The following HTR1F variants were observed in gnomAD, a reference collection of about 807,000 sequenced individuals.
The protein encoded by HTR1F is 5-hydroxytryptamine (serotonin) receptor 1F, G protein-coupled.
In HTR1F, 17 loss-of-function variants were observed where a neutral mutation model predicts 24.0. That is an observed-to-expected ratio of 0.71 (90% CI 0.48 to 1.06). The LOEUF is 1.06. Ranked by LOEUF, HTR1F falls within the 50% of genes least tolerant of loss-of-function variation. The pLI, the probability that HTR1F is intolerant of heterozygous loss-of-function variation, is 0.00. For synonymous variants in HTR1F, 186 were observed against 156.8 expected (o/e 1.19, Z -1.39); for missense variants, 391 against 427.8 (o/e 0.91, Z 0.76).
At chr3:87,927,733 C>G (rs181503410) in intron 2 of HTR1F, among the ~76,000 whole-genome samples, 112 of 152,166 alleles carry the variant, frequency 7.4e-4, no homozygotes, top group African/African-American at 2.3e-3. Flanking sequence ...TTTATTTATG[C>G]AACACATACT....
rs113032682 is a variant in HTR1F, at chr3:87,869,614, T to G, written c.-43+47490T>G. On this transcript the variant is annotated intron_variant, in intron 2 of 2. Transcript: ENST00000319595. ...TACTTCCAGTTCAGGTTCAAAGGCC[T>G]AAGAAACAGCAGAGTTCTGCTTCAA... Among the ~76,000 whole-genome samples the G allele has an allele frequency of 1.8e-3, 276 of 152,170 alleles. 1 individual carries two copies. The highest frequency in any genetic ancestry group is 6.3e-3 in the African/African-American group (260 of 41,538).
chr3:87,979,030 G>A (rs1576115174), intron 2 of HTR1F, among the ~76,000 whole-genome samples: 1 of 3,488 alleles, frequency 2.9e-4, no homozygotes, highest in South Asian at 0.019. Context: ...GAGGGAGGGA[G>A]GGAGGGAGGG....
At chr3:87,987,712 ATATG>A (rs1408900607) in intron 2 of HTR1F, among the ~76,000 whole-genome samples, 1 of 113,144 alleles carries the variant, frequency 8.8e-6, no homozygotes, top group African/African-American at 3.5e-5. Flanking sequence ...TGTATTATAT[ATATG>A]TATTTTATAT....
intron 2 of HTR1F, among the ~76,000 whole-genome samples, chr3:87,947,198 T>C (rs1255964259): frequency 6.6e-6 from 1 of 152,250 alleles, no homozygotes; most frequent in Non-Finnish European, 1.5e-5. Context: ...TAATATTTTC[T>C]TCTCATCATT....
At chr3:87,969,629 G>C (rs1705244401) in intron 2 of HTR1F, among the ~76,000 whole-genome samples, 1 of 152,166 alleles carries the variant, frequency 6.6e-6, no homozygotes, top group African/African-American at 2.4e-5. Context: ...CAGGCGGAAG[G>C]GACTTGCCTT....
At chr3:87,964,057 T>C (rs1447487346) in intron 2 of HTR1F, among the ~76,000 whole-genome samples, 2 of 152,094 alleles carry the variant, frequency 1.3e-5, no homozygotes, top group African/African-American at 4.8e-5. Context: ...CCCAAACTAG[T>C]GTCTTTTTCC....
At chr3:87,796,861 C>T (rs1169423335) in intron 1 of HTR1F, among the ~76,000 whole-genome samples, 1 of 152,192 alleles carries the variant, frequency 6.6e-6, no homozygotes, top group Non-Finnish European at 1.5e-5. Flanking sequence ...TATAGATATG[C>T]TTGCACTTAA....
chr3:87,902,314 G>A (rs1706342145), intron 2 of HTR1F, among the ~76,000 whole-genome samples: 2 of 152,018 alleles, frequency 1.3e-5, no homozygotes, highest in South Asian at 2.1e-4. Flanking sequence ...TATGCAAAGG[G>A]GGAAGTTATT....
rs767724180 is a variant in HTR1F at position 87,991,614 on chromosome 3, C to G, written c.865C>G (p.Arg289Gly). Residue 289 changes from arginine (R) to glycine (G), a missense_variant, in exon 3 of 3, where the codon CGG becomes GGG. Transcript: ENST00000319595. The stretch of plus-strand genomic sequence containing the variant: ...GCAAAAGATCTCAGGTACAAGAGAA[C>G]GGAAAGCAGCCACTACCCTGGGATT... ...RRQKISGTRE[R>G]KAATTLGLIL... 1 of 1,613,776 alleles carries G rather than the reference C, an allele frequency of 6.2e-7. No individual in the cohort carries two copies. The highest frequency in any genetic ancestry group is 8.5e-7 in the Non-Finnish European group (1 of 1,179,928).
chr3:87,939,881 T>G (rs1287175990), intron 2 of HTR1F, among the ~76,000 whole-genome samples: 2 of 152,226 alleles, frequency 1.3e-5, no homozygotes, highest in Admixed American at 6.5e-5. Flanking sequence ...TTCTCTGATC[T>G]TAGTTATTTC....
chr3:87,930,207 A>G (rs1432955962), intron 2 of HTR1F, among the ~76,000 whole-genome samples: 1 of 152,146 alleles, frequency 6.6e-6, no homozygotes, highest in African/African-American at 2.4e-5. Flanking sequence ...TGTTTTCTAG[A>G]TATAGAATAG....
chr3:87,899,377 T>C (rs1706273678), intron 2 of HTR1F, among the ~76,000 whole-genome samples: 1 of 152,216 alleles, frequency 6.6e-6, no homozygotes. Context: ...CACTTTCCTA[T>C]TCCTGGTAGC....
At chr3:87,874,331 T>G (rs929082337) in intron 2 of HTR1F, among the ~76,000 whole-genome samples, 1 of 152,110 alleles carries the variant, frequency 6.6e-6, no homozygotes, top group Non-Finnish European at 1.5e-5. Context: ...ATCAGTTTTA[T>G]TTTCATACAC....
At chr3:87,922,708 G>T (rs1468122227) in intron 2 of HTR1F, among the ~76,000 whole-genome samples, 1 of 151,900 alleles carries the variant, frequency 6.6e-6, no homozygotes, top group Non-Finnish European at 1.5e-5. Flanking sequence ...TATATAGGGA[G>T]AGATGGGGTG....
chr3:87,944,122 A>G (rs893317756), intron 2 of HTR1F, among the ~76,000 whole-genome samples: 20 of 152,108 alleles, frequency 1.3e-4, no homozygotes, highest in Non-Finnish European at 2.4e-4. Flanking sequence ...TTCCTTGACC[A>G]CAAAGAAAGG....
At chr3:87,872,905 A>T (rs1282068723) in intron 2 of HTR1F, among the ~76,000 whole-genome samples, 1 of 152,068 alleles carries the variant, frequency 6.6e-6, no homozygotes, top group Non-Finnish European at 1.5e-5. Flanking sequence ...TCTCCAAAAA[A>T]TTGGGAGGAA....
At chr3:87,913,855 T>A (rs1204418435) in intron 2 of HTR1F, among the ~76,000 whole-genome samples, 1 of 151,916 alleles carries the variant, frequency 6.6e-6, no homozygotes, top group Non-Finnish European at 1.5e-5. Context: ...ATCACAGGGA[T>A]CATGGCAGAC....
At chr3:87,844,850 G>A (rs1426931659) in intron 2 of HTR1F, among the ~76,000 whole-genome samples, 15 of 149,882 alleles carry the variant, frequency 1.0e-4, no homozygotes, top group African/African-American at 1.3e-4. Context: ...GATATGCGGC[G>A]TTATTTCTGA....
chr3:87,947,148 T>A (rs928942541), intron 2 of HTR1F, among the ~76,000 whole-genome samples: 3 of 152,222 alleles, frequency 2.0e-5, no homozygotes, highest in Non-Finnish European at 2.9e-5. Context: ...TTGTAGTGTT[T>A]TAACATATTT....
Sources: allele counts gnomAD v4.1 joint callset (sites outside exome capture counted in the v4.1 genomes callset), GRCh38; gene constraint gnomAD v4.1.1; transcripts MANE v1.5; gene names NCBI Gene and HGNC (gene_info 2026-07-23, HGNC 2026-07-21).